Variants in WWOX observed in about 807,000 individuals in gnomAD.
WWOX encodes the protein WW domain-containing oxidoreductase.
In WWOX, 69 loss-of-function variants were observed where a neutral mutation model predicts 46.2. That is an observed-to-expected ratio of 1.49 (90% CI 1.23 to 1.82). The LOEUF (loss-of-function observed/expected upper bound fraction) is 1.82, where lower values mean the gene tolerates loss of function less well. Among genes scored for constraint, WWOX ranks in the 40% most tolerant of loss-of-function variants. WWOX has a pLI of 0.00. For synonymous variants in WWOX, 359 were observed against 202.6 expected, an observed-to-expected ratio of 1.77 and a Z score of -6.56; for missense variants, 919 against 542.6, an observed-to-expected ratio of 1.69 and a Z score of -6.89.
chr16:79,205,955 A>C (rs928906167), intron 8 of WWOX: 5 of 152,114 alleles, frequency 3.3e-5, no homozygotes, highest in Admixed American at 3.3e-4. Context: ...TTCTATCATC[A>C]AAGAGTAGGT....
At chr16:78,393,496 A>G (rs1597155472) in intron 6 of WWOX, among the ~76,000 whole-genome samples, 2 of 151,026 alleles carry the variant, frequency 1.3e-5, no homozygotes, top group South Asian at 4.2e-4. Context: ...CTGTCTCTAT[A>G]TTACAAAATT....
At chr16:78,340,186 G>T (rs1432068650) in intron 5 of WWOX, among the ~76,000 whole-genome samples, 2 of 107,510 alleles carry the variant, frequency 1.9e-5, no homozygotes, top group Admixed American at 9.4e-5. Context: ...TTTGGTAATT[G>T]TGTTTGATGA....
chr16:79,020,684 G>C (rs1191782175), intron 8 of WWOX, among the ~76,000 whole-genome samples: 1 of 152,184 alleles, frequency 6.6e-6, no homozygotes, highest in African/African-American at 2.4e-5. Context: ...GACAAAAGAA[G>C]GGAGAGTGTG....
intron 5 of WWOX, among the ~76,000 whole-genome samples, chr16:78,336,399 G>T (rs113645671): frequency 0.068 from 10,304 of 150,920 alleles, 474 homozygotes; most frequent in East Asian, 0.21. Flanking sequence ...CCAGCTATTT[G>T]GGAGGCTGAG....
chr16:78,555,908 T>C (rs1222530242), intron 8 of WWOX, among the ~76,000 whole-genome samples: 3 of 152,152 alleles, frequency 2.0e-5, no homozygotes, highest in Non-Finnish European at 4.4e-5. Flanking sequence ...TAAAAGTGTC[T>C]ACTGCAGGGT....
intron 8 of WWOX, among the ~76,000 whole-genome samples, chr16:78,945,760 T>G (rs939850298): frequency 1.3e-5 from 2 of 152,124 alleles, no homozygotes; most frequent in Admixed American, 1.3e-4. Flanking sequence ...TTGTTTTTAT[T>G]TAGGGCTCAT....
intron 6 of WWOX, among the ~76,000 whole-genome samples, chr16:78,390,942 C>G (rs1028970347): frequency 6.6e-6 from 1 of 152,182 alleles, no homozygotes; most frequent in Non-Finnish European, 1.5e-5. Flanking sequence ...TGTGATCAAG[C>G]CAGAGTATTA....
intron 8 of WWOX, among the ~76,000 whole-genome samples, chr16:78,595,085 G>A (rs80181904): frequency 0.013 from 2,032 of 152,272 alleles, 46 homozygotes; most frequent in African/African-American, 0.047. Context: ...GCTGCCATGC[G>A]CATGAGGCTG....
At chr16:78,458,944 C>A (rs185718774) in intron 8 of WWOX, among the ~76,000 whole-genome samples, 1 of 152,156 alleles carries the variant, frequency 6.6e-6, no homozygotes, top group African/African-American at 2.4e-5. Flanking sequence ...TGTGTCACCT[C>A]AGCATTTAAT....
At chr16:78,819,411 C>T (rs1196808138) in intron 8 of WWOX, among the ~76,000 whole-genome samples, 1 of 152,228 alleles carries the variant, frequency 6.6e-6, no homozygotes, top group African/African-American at 2.4e-5. Context: ...TCCATGGCAA[C>T]ACCTAGAAGT....
At chr16:78,306,538 G>C (rs2080137499) in intron 5 of WWOX, among the ~76,000 whole-genome samples, 1 of 152,114 alleles carries the variant, frequency 6.6e-6, no homozygotes, top group South Asian at 2.1e-4. Flanking sequence ...GTTGTTCCTG[G>C]ATATTGGGCT....
intron 8 of WWOX, among the ~76,000 whole-genome samples, chr16:78,955,944 G>C (rs1231809853): frequency 6.6e-6 from 1 of 151,158 alleles, no homozygotes; most frequent in Non-Finnish European, 1.5e-5. Flanking sequence ...CACCATGCCT[G>C]GCCTCTGGCC....
At chr16:78,410,568 G>A (rs2082655785) in intron 6 of WWOX, among the ~76,000 whole-genome samples, 1 of 152,020 alleles carries the variant, frequency 6.6e-6, no homozygotes, top group African/African-American at 2.4e-5. Context: ...ACAGCACTTT[G>A]GGAGGTCGAG....
intron 5 of WWOX, among the ~76,000 whole-genome samples, chr16:78,322,326 C>G (rs62034372): frequency 0.13 from 19,259 of 152,110 alleles, 1,554 homozygotes; most frequent in East Asian, 0.24. Flanking sequence ...GACTTTGACT[C>G]CCTTTGTAAT....
intron 8 of WWOX, among the ~76,000 whole-genome samples, chr16:78,642,479 T>C (rs886870797): frequency 6.6e-6 from 1 of 152,156 alleles, no homozygotes; most frequent in African/African-American, 2.4e-5. Context: ...CTGAGCTCCA[T>C]GTATGTGCAC....
At chr16:78,682,476 A>T (rs1486235311) in intron 8 of WWOX, among the ~76,000 whole-genome samples, 1 of 152,072 alleles carries the variant, frequency 6.6e-6, no homozygotes, top group Non-Finnish European at 1.5e-5. Context: ...CCAGCTACAC[A>T]GAAGGCTGAG....
chr16:78,535,850 C>G (rs1391327574), intron 8 of WWOX, among the ~76,000 whole-genome samples: 2 of 152,072 alleles, frequency 1.3e-5, no homozygotes, highest in African/African-American at 2.4e-5. Flanking sequence ...GAGGTATGAC[C>G]TAGAGCAAGG....
At chr16:78,896,818 A>C (rs992807984) in intron 8 of WWOX, 1 of 152,134 alleles carries the variant, frequency 6.6e-6, no homozygotes, top group African/African-American at 2.4e-5. Context: ...TTATTGAGAC[A>C]TAATTTACAT....
chr16:78,264,255 T>C (rs1333955949), intron 5 of WWOX, among the ~76,000 whole-genome samples: 1 of 152,018 alleles, frequency 6.6e-6, no homozygotes, highest in Non-Finnish European at 1.5e-5. Context: ...GAAAGCCTAC[T>C]TTGGGCCACC....
Sources: gnomAD v4.1 joint callset for allele counts (sites outside exome capture counted in the v4.1 genomes callset) on GRCh38, gnomAD v4.1.1 for gene constraint, MANE v1.5 for transcripts, NCBI Gene and HGNC (gene_info 2026-07-23, HGNC 2026-07-21) for gene names.